Variants in FHOD3 observed in about 807,000 individuals in gnomAD.
FHOD3 encodes the protein formin homology 2 domain containing 3.
FHOD3 carries 90 observed loss-of-function variants against 173.0 expected under a neutral mutation model. The observed-to-expected ratio is 0.52, with a 90% confidence interval of 0.44 to 0.62. FHOD3 has a LOEUF of 0.62. Among genes scored for constraint, FHOD3 ranks in the 20% least tolerant of loss-of-function variants. The pLI, the probability that FHOD3 is intolerant of heterozygous loss-of-function variation, is 0.00. For synonymous variants in FHOD3, 828 were observed against 823.0 expected, an observed-to-expected ratio of 1.01 and a Z score of -0.10; for missense variants, 1,945 against 2,034.7, an observed-to-expected ratio of 0.96 and a Z score of 0.85.
At position 36,658,062 on chromosome 18, in the gene FHOD3, C is replaced by G. The variant is rs1191018008; in HGVS notation, c.1722-13C>G. On this transcript the variant is annotated splice_polypyrimidine_tract_variant and intron_variant, in intron 13 of 28. Coordinates refer to ENST00000590592, the MANE Select transcript of FHOD3 (RefSeq NM_001281740.3). ...ATCCTTTTCCCCCCAACTTAAACCTCTGCACTTCTTAGATACAGCAATTTT... is the reference window on the plus strand; with the variant it reads ...ATCCTTTTCCCCCCAACTTAAACCTGTGCACTTCTTAGATACAGCAATTTT... The G allele has an allele frequency of 1.3e-6, 2 of 1,586,934 alleles. No homozygotes were observed. Among genetic ancestry groups the G allele is most frequent in the East Asian group, 4.6e-5 (2 of 43,620 alleles).
At chr18:36,340,839 G>A (rs536796520) in intron 1 of FHOD3, among the ~76,000 whole-genome samples, 4 of 151,860 alleles carry the variant, frequency 2.6e-5, no homozygotes, top group East Asian at 3.9e-4. Context: ...GGGTTTCACC[G>A]TGTTAGCCAG....
chr18:36,731,409 T>C (rs1377812589), intron 20 of FHOD3, among the ~76,000 whole-genome samples: 1 of 152,152 alleles, frequency 6.6e-6, no homozygotes, highest in African/African-American at 2.4e-5. Flanking sequence ...CCCTCCACTG[T>C]GGGTTGGTGC....
At chr18:36,717,681 A>G in intron 18 of FHOD3, 151 bp from the exon 19 acceptor site, 2 of 1,304,876 alleles carry the variant, frequency 1.5e-6, no homozygotes, top group Non-Finnish European at 2.0e-6. Context: ...TTCTTGCCCA[A>G]GAGCGCCTTG....
intron 26 of FHOD3, 99 bp downstream of exon 26, chr18:36,759,240 A>C: frequency 2.3e-6 from 3 of 1,299,944 alleles, no homozygotes; most frequent in Non-Finnish European, 3.2e-6. Flanking sequence ...AGCACCATTC[A>C]GTGCTTTAAA....
intron 5 of FHOD3, among the ~76,000 whole-genome samples, chr18:36,549,112 C>T (rs867157130): frequency 6.6e-6 from 1 of 152,170 alleles, no homozygotes; most frequent in Non-Finnish European, 1.5e-5. Flanking sequence ...TAATTTTAGC[C>T]ATTCTACTAG....
intron 3 of FHOD3, among the ~76,000 whole-genome samples, chr18:36,438,940 G>A (rs1429148369): frequency 2.6e-5 from 4 of 152,208 alleles, no homozygotes; most frequent in Admixed American, 2.6e-4. Context: ...GGATGACTCT[G>A]TCTACCTCGC....
At chr18:36,500,943 C>T (rs763412193) in intron 3 of FHOD3, among the ~76,000 whole-genome samples, 40 of 152,254 alleles carry the variant, frequency 2.6e-4, no homozygotes, top group Non-Finnish European at 4.4e-4. Context: ...GATGTGTGCT[C>T]CTTGGTGTCC....
intron 3 of FHOD3, among the ~76,000 whole-genome samples, chr18:36,387,953 A>C (rs549718867): frequency 6.6e-6 from 1 of 152,056 alleles, no homozygotes; most frequent in South Asian, 2.1e-4. Flanking sequence ...TTAAGGAAGG[A>C]ATTTGGGGTT....
At chr18:36,679,575 T>C (rs2038097975) in intron 14 of FHOD3, among the ~76,000 whole-genome samples, 1 of 152,144 alleles carries the variant, frequency 6.6e-6, no homozygotes, top group Non-Finnish European at 1.5e-5. Flanking sequence ...TCTACAAAAC[T>C]TCATATTCAG....
rs1458231200 is a variant in FHOD3 at position 36,602,750 on chromosome 18, A to G, written c.795A>G (p.Ala265=). The G allele has an allele frequency of 4.3e-6, 7 of 1,614,014 alleles. No homozygotes were observed. Among genetic ancestry groups the G allele is most frequent in the Middle Eastern group, 1.6e-4 (1 of 6,084 alleles). The change falls in exon 8 of 29, where the codon GCA becomes GCG. Residue 265 remains alanine (A), a synonymous_variant. Transcript: ENST00000590592. ...TTGATACGGAGCTACTGGTTTATGC[A>G]ATGACTTTGGTGAACAAGGTTGGTT... is the stretch of plus-strand genomic sequence containing the variant. ...DGVDTELLVY[A]MTLVNKTLSG...
chr18:36,514,011 A>ATTTTTTTTTTTT (rs1555735785), intron 5 of FHOD3, among the ~76,000 whole-genome samples: 2 of 65,612 alleles, frequency 3.0e-5, no homozygotes, highest in African/African-American at 1.1e-4. Flanking sequence ...TGCTATTTCT[A>ATTTTTTTTTTTT]TTCTTTTTTT....
chr18:36,718,396 C>A lies in FHOD3; in HGVS notation c.3098C>A (p.Pro1033Gln). 1.1e-6 allele frequency: 1 copy of A among 877,320 alleles called. No individual in the cohort carries two copies. Among genetic ancestry groups the A allele is most frequent in the South Asian group, 1.7e-5 (1 of 58,174 alleles). 54.3% of individuals were successfully genotyped at this position (877,320 alleles called of 1,614,324 possible). ...CCCCCACCCACCTTTCTGGGTTTGC[C>A]GCCCCCACCCCCTCCGCCCCTGTTG... ...PPPPPTFLGL[P>Q]PPPPPPLLDS... The change falls in exon 19 of 29, where the codon CCG (proline) becomes CAG (glutamine). Residue 1033 changes from proline to glutamine, a missense_variant. Pro to Gln is a moderately conservative substitution (Grantham distance 76). Transcript: ENST00000590592.
chr18:36,463,247 A>T (rs1414118103), intron 3 of FHOD3, among the ~76,000 whole-genome samples: 1 of 150,366 alleles, frequency 6.7e-6, no homozygotes, highest in East Asian at 1.9e-4. Flanking sequence ...AATAAATAGG[A>T]ATTATTTTCT....
chr18:36,427,167 A>G (rs896431176), intron 3 of FHOD3, among the ~76,000 whole-genome samples: 3 of 152,054 alleles, frequency 2.0e-5, no homozygotes, highest in African/African-American at 7.2e-5. Flanking sequence ...AGCAAGTTGA[A>G]TAGCAATTAG....
At chr18:36,731,520 G>A (rs902822164) in intron 20 of FHOD3, among the ~76,000 whole-genome samples, 2 of 152,148 alleles carry the variant, frequency 1.3e-5, no homozygotes, top group South Asian at 4.1e-4. Context: ...ATAGCTTGGG[G>A]GCCCACTGGG....
chr18:36,730,539 G>A, intron 19 of FHOD3, 107 bp from the exon 20 acceptor site: 1 of 1,105,928 alleles, frequency 9.0e-7, no homozygotes, highest in Non-Finnish European at 1.3e-6. Flanking sequence ...CTGAACTGGG[G>A]CCATTTGTTT....
chr18:36,344,214 A>G (rs1376678571), intron 1 of FHOD3, among the ~76,000 whole-genome samples: 2 of 152,224 alleles, frequency 1.3e-5, no homozygotes, highest in African/African-American at 2.4e-5. Context: ...TCTTCAGGCA[A>G]AAGGAAATTA....
At chr18:36,543,503 C>T (rs2147152723) in intron 5 of FHOD3, among the ~76,000 whole-genome samples, 1 of 152,294 alleles carries the variant, frequency 6.6e-6, no homozygotes, top group East Asian at 1.9e-4. Context: ...AAAGACAGTG[C>T]TGGACAGTCA....
At chr18:36,691,445 T>C (rs1292017068) in intron 16 of FHOD3, among the ~76,000 whole-genome samples, 1 of 152,244 alleles carries the variant, frequency 6.6e-6, no homozygotes, top group Non-Finnish European at 1.5e-5. Context: ...GGCCTTGAAC[T>C]TGCCACCATC....
Sources: gnomAD v4.1 joint callset for allele counts (sites outside exome capture counted in the v4.1 genomes callset) on GRCh38, gnomAD v4.1.1 for gene constraint, MANE v1.5 for transcripts, NCBI Gene and HGNC (gene_info 2026-07-23, HGNC 2026-07-21) for gene names.